Variants in TBCK observed in about 807,000 individuals in gnomAD.
TBCK encodes the protein TBC domain-containing protein kinase-like protein.
A neutral mutation model predicts 113.4 loss-of-function variants in TBCK; 99 were observed. The ratio of observed to expected loss-of-function variants is 0.87; its 90% confidence interval spans 0.74 to 1.03. TBCK has a LOEUF of 1.03. Ranked by LOEUF, TBCK falls within the 50% of genes least tolerant of loss-of-function variation. The pLI is 0.00. For synonymous variants in TBCK, 369 were observed against 370.8 expected (o/e 1.00, Z 0.05); for missense variants, 1,045 against 1,061.3 (o/e 0.98, Z 0.21).
upstream of TBCK, chr4:106,316,642 A>G: frequency 6.5e-7 from 1 of 1,538,034 alleles, no homozygotes. Flanking sequence ...GCCGATTGCG[A>G]TCGTAGGGGT....
chr4:106,194,041 T>C (rs1047248466), intron 21 of TBCK, among the ~76,000 whole-genome samples: 13 of 152,226 alleles, frequency 8.5e-5, no homozygotes, highest in African/African-American at 2.9e-4. Context: ...CCAGTTATAT[T>C]ATTCTCACAG....
chr4:106,118,678 T>C (rs868082715), intron 23 of TBCK, among the ~76,000 whole-genome samples: 1 of 152,212 alleles, frequency 6.6e-6, no homozygotes, highest in Non-Finnish European at 1.5e-5. Flanking sequence ...TTGTGATGAA[T>C]GCGGCATTTC....
At chr4:106,127,139 C>T (rs1199071546) in intron 23 of TBCK, among the ~76,000 whole-genome samples, 15 of 135,856 alleles carry the variant, frequency 1.1e-4, no homozygotes, top group East Asian at 2.3e-4. Context: ...ACCCAGGAGG[C>T]GGATATTGCA....
intron 25 of TBCK, among the ~76,000 whole-genome samples, chr4:106,069,661 G>GT (rs1737127566): frequency 1.3e-5 from 2 of 152,278 alleles, no homozygotes; most frequent in South Asian, 2.1e-4. Context: ...CTTTAAAGTA[G>GT]TTTTTTCCAT....
chr4:106,130,975 A>G (rs1745834064), intron 23 of TBCK, among the ~76,000 whole-genome samples: 1 of 152,164 alleles, frequency 6.6e-6, no homozygotes, highest in African/African-American at 2.4e-5. Flanking sequence ...CTTTAAATTC[A>G]GATTGATATG....
intron 3 of TBCK, among the ~76,000 whole-genome samples, chr4:106,272,492 T>A (rs1485189139): frequency 8.9e-6 from 1 of 112,474 alleles, no homozygotes; most frequent in Non-Finnish European, 2.2e-5. Flanking sequence ...TATTTAATTT[T>A]TTTTTTTTTT....
Position 106,260,515 on chromosome 4 carries a change from G to A in TBCK, c.382-5C>T. On this transcript the variant is annotated splice_polypyrimidine_tract_variant and splice_region_variant and intron_variant, in intron 4 of 25. Transcript: ENST00000394708. ...TTTAGCCAATTTAATATGTCCCTAT[G>A]ATAATAAAGAAAAAAAACACTATCA... The A allele has an allele frequency of 9.2e-7, 1 of 1,083,384 alleles. No homozygotes were observed. Among genetic ancestry groups the A allele is most frequent in the South Asian group, 2.6e-5 (1 of 37,988 alleles). The allele number at this position is 1,083,384 out of a possible 1,614,324, so 67.1% of individuals were successfully genotyped here. A position where few individuals can be genotyped will look rare whatever the true frequency, so the allele number is the denominator to read the frequency against.
intron 23 of TBCK, among the ~76,000 whole-genome samples, chr4:106,151,485 T>G (rs1187481305): frequency 1.3e-5 from 2 of 152,068 alleles, no homozygotes; most frequent in Non-Finnish European, 2.9e-5. Flanking sequence ...GTGCTTGACT[T>G]ATTTTATTGA....
intron 20 of TBCK, among the ~76,000 whole-genome samples, chr4:106,212,139 T>G (rs559574918): frequency 1.3e-5 from 2 of 152,158 alleles, no homozygotes; most frequent in Non-Finnish European, 2.9e-5. Context: ...TAATTTATTT[T>G]CCTCTCCACT....
intron 3 of TBCK, among the ~76,000 whole-genome samples, chr4:106,291,253 T>TCACA (rs1765677580): frequency 1.3e-5 from 2 of 152,182 alleles, no homozygotes; most frequent in Admixed American, 6.5e-5. Flanking sequence ...CTTGTCTTGG[T>TCACA]CACAGTTTTG....
intron 3 of TBCK, among the ~76,000 whole-genome samples, 168 bp downstream of exon 3, chr4:106,294,926 T>C (rs1159081390): frequency 6.6e-6 from 1 of 152,210 alleles, no homozygotes; most frequent in Non-Finnish European, 1.5e-5. Context: ...TATGTTAATG[T>C]TGAATTCATA....
chr4:106,227,184 C>T (rs1049926660), intron 19 of TBCK, among the ~76,000 whole-genome samples: 1 of 151,964 alleles, frequency 6.6e-6, no homozygotes, highest in African/African-American at 2.4e-5. Context: ...ATGGATTTTG[C>T]GTTTCAAAAT....
Position 106,298,446 on chromosome 4 carries a change from GAA to G in TBCK, c.194-3282_194-3281del, listed in dbSNP as rs373114827. 2.3e-4 allele frequency among the ~76,000 whole-genome samples: 32 copies of G among 139,112 alleles called. 1 individual carries two copies. The highest frequency in any genetic ancestry group is 6.5e-4 in the Admixed American group (9 of 13,830). The allele number at this position is 139,112 out of a possible 152,430, so 91.3% of individuals were successfully genotyped here. A position where few individuals can be genotyped will look rare whatever the true frequency, so the allele number is the denominator to read the frequency against. ...GAAACCTTGTCTCTACTAAAAATAT[GAA>G]AAAAAAAAAAAAATTAGCCAGGCGT... On this transcript the variant is annotated intron_variant, in intron 2 of 25. Transcript: ENST00000394708.
chr4:106,210,940 T>G (rs1054423614), intron 20 of TBCK, among the ~76,000 whole-genome samples: 3 of 152,200 alleles, frequency 2.0e-5, no homozygotes, highest in African/African-American at 7.2e-5. Flanking sequence ...CTAAGGATTT[T>G]TATTGGATTA....
Position 106,148,766 on chromosome 4 carries a change from A to G in TBCK, c.2235+22329T>C, listed in dbSNP as rs148948555. On this transcript the variant is annotated intron_variant, in intron 23 of 25. Transcript: ENST00000394708. ...GAGCCCTAGGATTTTGGAATGGTCA[A>G]TGAGTATTAGCTTCAACTGAAAGTC... Among the ~76,000 whole-genome samples the G allele has an allele frequency of 2.2e-3, 328 of 152,288 alleles. 1 individual carries two copies. Among genetic ancestry groups the G allele is most frequent in the African/African-American group, 7.5e-3 (311 of 41,546 alleles).
At chr4:106,291,719 GT>G in intron 3 of TBCK, among the ~76,000 whole-genome samples, 1 of 152,192 alleles carries the variant, frequency 6.6e-6, no homozygotes, top group South Asian at 2.1e-4. Flanking sequence ...TTTACTATCG[GT>G]GAAGATTTGA....
chr4:106,175,084 G>A (rs561478801), intron 22 of TBCK, among the ~76,000 whole-genome samples: 9 of 149,488 alleles, frequency 6.0e-5, no homozygotes, highest in South Asian at 4.2e-4. Flanking sequence ...CAGTGATCAC[G>A]CCTGTATCAC....
intron 19 of TBCK, among the ~76,000 whole-genome samples, chr4:106,215,491 C>T (rs1756772454): frequency 6.6e-6 from 1 of 152,132 alleles, no homozygotes; most frequent in Non-Finnish European, 1.5e-5. Context: ...CAGAGACACA[C>T]ATAGGCTAAA....
intron 22 of TBCK, among the ~76,000 whole-genome samples, chr4:106,184,426 A>C (rs551688758): frequency 2.0e-4 from 31 of 152,154 alleles, no homozygotes; most frequent in African/African-American, 6.7e-4. Context: ...CAAGGGAGTA[A>C]TACCCTATGT....
Sources: allele counts gnomAD v4.1 joint callset (sites outside exome capture counted in the v4.1 genomes callset), GRCh38; gene constraint gnomAD v4.1.1; transcripts MANE v1.5; gene names NCBI Gene and HGNC (gene_info 2026-07-23, HGNC 2026-07-21).